ADAMTS13: variants seen among roughly 807,000 people sequenced by gnomAD.
ADAMTS13 encodes ADAM metallopeptidase with thrombospondin type 1 motif 13.
A neutral mutation model predicts 155.1 loss-of-function variants in ADAMTS13; 110 were observed. The ratio of observed to expected loss-of-function variants is 0.71; its 90% CI spans 0.61 to 0.83. The LOEUF (loss-of-function observed/expected upper bound fraction) is 0.83. Among genes scored for constraint, ADAMTS13 ranks in the 40% least tolerant of loss-of-function variants. The pLI, the probability that ADAMTS13 is intolerant of heterozygous loss-of-function variation, is 0.00. For missense variants in ADAMTS13, 1,707 were observed against 1,891.7 expected (o/e 0.90, Z 1.81); for synonymous variants, 758 against 756.4 (o/e 1.00, Z -0.03).
At chr9:133,436,214 C>T (rs1434425199) in intron 11 of ADAMTS13, among the ~76,000 whole-genome samples, 2 of 151,916 alleles carry the variant, frequency 1.3e-5, no homozygotes, top group Non-Finnish European at 2.9e-5. Flanking sequence ...TTCGATGGCC[C>T]TGGGTGTGGG....
chr9:133,440,217 C>T lies in ADAMTS13; in HGVS notation c.1787-127C>T. ...TAGAGCCTCCGCTGTGGGGAAGCCT[C>T]TAGCTCAGATGCCTGTGGCTCCTTA... On this transcript the variant is annotated intron_variant, in intron 15 of 28. Coordinates refer to ENST00000355699, the MANE Select transcript of ADAMTS13 (RefSeq NM_139027.6). The surrounding 1 kb of genome is among the most constrained non-coding windows in gnomAD (Gnocchi z 4.3). 1.7e-6 allele frequency: 2 copies of T among 1,210,106 alleles called. No homozygotes were observed. The highest frequency in any genetic ancestry group is 1.2e-6 in the Non-Finnish European group (1 of 834,584). The allele number at this position is 1,210,106 out of a possible 1,614,324, so 75.0% of individuals were successfully genotyped here.
At position 133,440,478 on chromosome 9, in the gene ADAMTS13, GA is replaced by G; in HGVS notation, c.1922del (p.Glu641GlyfsTer57). 6.2e-7 allele frequency: 1 copy of G among 1,613,022 alleles called. No individual in the cohort carries two copies. Among genetic ancestry groups the G allele is most frequent in the Middle Eastern group, 1.7e-4 (1 of 6,060 alleles). Reference sequence around the variant, plus strand: ...CACCGAGGACCGGCTGCCCCGCCTGGAGGAGATCCGCATCTGGGGACCCCTC... The same window carrying G: ...CACCGAGGACCGGCTGCCCCGCCTGGGGAGATCCGCATCTGGGGACCCCTC... Reference protein sequence around the residue: ...ALTEDRLPRLEEIRIWGPLQE... With the variant: ...ALTEDRLPRLXEIRIWGPLQE... On this transcript the variant is annotated frameshift_variant, in exon 16 of 29. Coordinates refer to ENST00000355699, the MANE Select transcript of ADAMTS13 (RefSeq NM_139027.6). LOFTEE classifies it high-confidence loss of function. The surrounding 1 kb of genome is among the most constrained non-coding windows in gnomAD (Gnocchi z 4.3).
intron 19 of ADAMTS13, among the ~76,000 whole-genome samples, chr9:133,444,534 C>A (rs587702141): frequency 6.6e-6 from 1 of 152,140 alleles, no homozygotes; most frequent in African/African-American, 2.4e-5. Flanking sequence ...CTCCAACTCC[C>A]GGGCTCAAGC....
At position 133,459,103 on chromosome 9, in the gene ADAMTS13, G is replaced by A. The variant is rs1488511284; in HGVS notation, c.4039G>A (p.Gly1347Ser). The change falls in exon 29 of 29, where the codon GGC becomes AGC. Residue 1347 changes from glycine (G) to serine (S), a missense_variant. This residue lies in a region of ADAMTS13 where 961 missense variants were observed against 1,107.9 expected (regional missense o/e 0.87). Transcript: ENST00000355699. ...CCTGAAGGCTCAGGCCAGCCTGCGG[G>A]GCCAGTACTGGACCCTCCAATCATG... ...GFLKAQASLRGQYWTLQSWVP... is the reference protein window; with the variant it reads ...GFLKAQASLRSQYWTLQSWVP... 6.2e-7 allele frequency: 1 copy of A among 1,612,822 alleles called. No homozygotes were observed. Among genetic ancestry groups the A allele is most frequent in the Non-Finnish European group, 8.5e-7 (1 of 1,179,934 alleles).
rs781931003 is a variant in ADAMTS13, at chr9:133,454,663, G to T, written c.3249+44G>T. The T allele has an allele frequency of 9.7e-6, 15 of 1,551,130 alleles. No homozygotes were observed. In the South Asian group the frequency reaches 1.6e-4, roughly 17 times the overall value. On this transcript the variant is annotated intron_variant, in intron 24 of 28. Coordinates refer to ENST00000355699, the MANE Select transcript of ADAMTS13 (RefSeq NM_139027.6). ...CGGAATCCCTATGGGGCTGGGGTGG[G>T]CATCAGCTGTGGCTCCTCATGTGTG... is the stretch of plus-strand genomic sequence containing the variant.
chr9:133,419,825 A>G (rs1394751124), upstream of ADAMTS13, among the ~76,000 whole-genome samples: 4 of 150,602 alleles, frequency 2.7e-5, no homozygotes, highest in Non-Finnish European at 5.9e-5. Flanking sequence ...CACAATCTCC[A>G]CCTCCCGGGT....
chr9:133,447,152 G>T (rs1842121937), intron 21 of ADAMTS13, among the ~76,000 whole-genome samples: 1 of 151,790 alleles, frequency 6.6e-6, no homozygotes, highest in South Asian at 2.1e-4. Flanking sequence ...CCCACACCTG[G>T]CCTATTTCTG....
rs1588150707 is a variant in ADAMTS13, at chr9:133,424,017, C to G, written c.173-304C>G. On this transcript the variant is annotated intron_variant, in intron 2 of 28. Coordinates refer to ENST00000355699, the MANE Select transcript of ADAMTS13 (RefSeq NM_139027.6). This position sits in a 1 kb window ranked among gnomAD's most constrained non-coding sequence, Gnocchi z 4.3. ...GTCCATGATGTTACTTGTGAAACACCTGTGCCCAGAGCAGGGTCCAGGAGG... is the reference window on the plus strand; with the variant it reads ...GTCCATGATGTTACTTGTGAAACACGTGTGCCCAGAGCAGGGTCCAGGAGG... Among the ~76,000 whole-genome samples, 1 of 152,236 alleles carries G rather than the reference C, an allele frequency of 6.6e-6. No individual in the cohort carries two copies. The highest frequency in any genetic ancestry group is 1.5e-5 in the Non-Finnish European group (1 of 68,038).
At chr9:133,457,174 C>G in intron 27 of ADAMTS13, 1 of 248,550 alleles carries the variant, frequency 4.0e-6, no homozygotes, top group South Asian at 4.3e-5. Context: ...GGACTCCAGC[C>G]TTGCCCGTGG....
chr9:133,422,229 C>T (rs1471964664), upstream of ADAMTS13: 2 of 609,016 alleles, frequency 3.3e-6, no homozygotes, highest in Non-Finnish European at 2.9e-6. Flanking sequence ...TGAACTGCAA[C>T]CATCTTAGAG....
chr9:133,429,815 C>A, intron 7 of ADAMTS13, 124 bp from the exon 8 acceptor site: 2 of 1,312,690 alleles, frequency 1.5e-6, no homozygotes, highest in Non-Finnish European at 2.1e-6. Flanking sequence ...GCCGAGAACT[C>A]CTGTTCCCAC....
rs1841637791 is a variant in ADAMTS13 at position 133,441,122 on chromosome 9, T to A, written c.1968+597T>A. 6.6e-6 allele frequency among the ~76,000 whole-genome samples: 1 copy of A among 152,086 alleles called. No homozygotes were observed. The highest frequency in any genetic ancestry group is 2.1e-4 in the South Asian group (1 of 4,822). On this transcript the variant is annotated intron_variant, in intron 16 of 28. Coordinates refer to ENST00000355699, the MANE Select transcript of ADAMTS13 (RefSeq NM_139027.6). The surrounding 1 kb of genome is among the most constrained non-coding windows in gnomAD (Gnocchi z 5.0). The stretch of plus-strand genomic sequence containing the variant: ...AGTGACGTGTGCTCGCCCATGTATG[T>A]CCCCATTGGTGCTTCGCTGAGGAAG...
rs1842739077 is a variant in ADAMTS13, at chr9:133,456,295, T to C, written c.3547+80T>C. On this transcript the variant is annotated intron_variant, in intron 26 of 28. Coordinates refer to ENST00000355699, the MANE Select transcript of ADAMTS13 (RefSeq NM_139027.6). This position sits in a 1 kb window ranked among gnomAD's most constrained non-coding sequence, Gnocchi z 4.4. ...AGCACGACGCTGCATGCCCCATTCCTGGCAGGAGCCCATGTGCATTCCCAC... is the reference window on the plus strand; with the variant it reads ...AGCACGACGCTGCATGCCCCATTCCCGGCAGGAGCCCATGTGCATTCCCAC... The C allele has an allele frequency of 6.2e-7, 1 of 1,601,152 alleles. No individual in the cohort carries two copies.
intron 11 of ADAMTS13, among the ~76,000 whole-genome samples, chr9:133,434,994 T>A (rs1841068989): frequency 6.6e-6 from 1 of 152,186 alleles, no homozygotes; most frequent in Admixed American, 6.5e-5. Context: ...CATATTCCAC[T>A]GCAGGGATAG....
At chr9:133,430,319 A>G in intron 8 of ADAMTS13, 1 of 707,140 alleles carries the variant, frequency 1.4e-6, no homozygotes, top group East Asian at 2.8e-5. Context: ...GGGCCCCACA[A>G]ATTATGTAGC....
chr9:133,433,550 T>C, intron 10 of ADAMTS13, 21 bp downstream of exon 10: 1 of 1,613,660 alleles, frequency 6.2e-7, no homozygotes, highest in Non-Finnish European at 8.5e-7. Context: ...GAGGGTGCTT[T>C]TCTGTCAGGG....
chr9:133,424,302 T>C lies in ADAMTS13; in HGVS notation c.173-19T>C, dbSNP rs901814856. The C allele has an allele frequency of 1.2e-6, 2 of 1,610,402 alleles. No individual in the cohort carries two copies. The highest frequency in any genetic ancestry group is 1.7e-6 in the Non-Finnish European group (2 of 1,179,798). On this transcript the variant is annotated intron_variant, in intron 2 of 28. Transcript: ENST00000355699. This position sits in a 1 kb window ranked among gnomAD's most constrained non-coding sequence, Gnocchi z 4.3. ...GCTCTCTAGAACCATCGCCCTCTGC[T>C]CTCCCTCTCCCCCTCCAGGCCGCCC...
rs36222900 is a variant in ADAMTS13 at position 133,456,762 on chromosome 9, T to C, written c.3724+43T>C. 4.2e-4 allele frequency: 653 copies of C among 1,549,742 alleles called. 2 individuals carry two copies. In the African/African-American group the frequency reaches 7.8e-3, roughly 19 times the overall value. ...CCACCTCCCTTGGGTGCTCCAGTCC[T>C]GGCAGGGAGGCTGGGTGGGTGCTGC... On this transcript the variant is annotated intron_variant, in intron 27 of 28. Coordinates refer to ENST00000355699, the MANE Select transcript of ADAMTS13 (RefSeq NM_139027.6). The surrounding 1 kb of genome is among the most constrained non-coding windows in gnomAD (Gnocchi z 4.4).
intron 1 of ADAMTS13, among the ~76,000 whole-genome samples, chr9:133,416,093 C>T (rs1442381018): frequency 3.9e-5 from 6 of 152,160 alleles, no homozygotes; most frequent in African/African-American, 1.4e-4. Flanking sequence ...GCAGGTTGTA[C>T]AAGAAGCATG....
Sources: gnomAD v4.1 joint callset for allele counts (sites outside exome capture counted in the v4.1 genomes callset) on GRCh38, gnomAD v4.1.1 for gene constraint, gnomAD v4.1.1 regional missense constraint, Gnocchi (gnomAD v3.1) non-coding constraint, MANE v1.5 for transcripts, NCBI Gene and HGNC (gene_info 2026-07-23, HGNC 2026-07-21) for gene names.